The following CFAP47 variants were observed in gnomAD, a reference collection of about 807,000 sequenced individuals.
The protein encoded by CFAP47 is cilia and flagella associated protein 47, also known as cilia- and flagella-associated protein 47.
CFAP47 carries 29 observed loss-of-function variants against 148.1 expected under a neutral mutation model. The observed-to-expected ratio is 0.20, with a 90% CI of 0.15 to 0.27. The LOEUF (loss-of-function observed/expected upper bound fraction) is 0.27. CFAP47 is among the 10% of genes least tolerant of loss of function. CFAP47 has a pLI of 1.00. For synonymous variants in CFAP47, 664 were observed against 577.3 expected (o/e 1.15, Z -2.15); for missense variants, 1,872 against 1,697.5 (o/e 1.10, Z -1.81).
Position 36,371,447 on chromosome X carries a change from T to A in CFAP47, c.9185+4320T>A, listed in dbSNP as rs782650103. On this transcript the variant is annotated intron_variant, in intron 62 of 63. Coordinates refer to ENST00000378653, the MANE Select transcript of CFAP47 (RefSeq NM_001304548.2). ...ATTATCTTGTTATAAAATGAAAATC[T>A]TCTGTAGATGAGCATTTTCATTAAG... 1.1e-3 allele frequency among the ~76,000 whole-genome samples: 122 copies of A among 107,854 alleles called. 2 individuals carry two copies. Among genetic ancestry groups the A allele is most frequent in the East Asian group, 6.0e-4 (2 of 3,351 alleles). The allele number at this position is 107,854 out of a possible 115,157, so 93.7% of individuals were successfully genotyped here. A position where few individuals can be genotyped will look rare whatever the true frequency, so the allele number is the denominator to read the frequency against.
At chrX:36,177,140 CAGGT>C (rs1939693971) in intron 39 of CFAP47, among the ~76,000 whole-genome samples, 1 of 111,639 alleles carries the variant, frequency 9.0e-6, no homozygotes, top group Non-Finnish European at 1.9e-5. Context: ...TTTCTTTTAA[CAGGT>C]AGTTCATATT....
intron 29 of CFAP47, among the ~76,000 whole-genome samples, chrX:36,075,275 TG>T (rs1028185281): frequency 1.8e-5 from 2 of 109,631 alleles, no homozygotes; most frequent in Non-Finnish European, 3.8e-5. Flanking sequence ...TCACCCAGAC[TG>T]GGGTGTAGTG....
chrX:36,207,349 G>A (rs1278684030), intron 45 of CFAP47, among the ~76,000 whole-genome samples: 3 of 110,050 alleles, frequency 2.7e-5, no homozygotes, highest in African/African-American at 9.9e-5. Flanking sequence ...CAAATGACAA[G>A]AATTTATCTG....
In CFAP47 at chrX:36,289,144, G is replaced by C. The variant is rs1363778890; in HGVS notation, c.7686+3418G>C. Among the ~76,000 whole-genome samples, 8 of 108,179 alleles carry C rather than the reference G, an allele frequency of 7.4e-5. No individual in the cohort carries two copies. In the East Asian group the frequency reaches 2.3e-3, roughly 32 times the overall value. The allele number at this position is 108,179 out of a possible 115,157, so 93.9% of individuals were successfully genotyped here. On this transcript the variant is annotated intron_variant, in intron 51 of 63. Transcript: ENST00000378653. ...GCCTCCTGAGTAGCTGGGATTACAG[G>C]CATGTGCCATCATGGCCAGCTAATT...
intron 32 of CFAP47, among the ~76,000 whole-genome samples, chrX:36,103,825 C>A (rs2146795896): frequency 9.0e-6 from 1 of 111,577 alleles, no homozygotes; most frequent in Non-Finnish European, 1.9e-5. Context: ...AACTTGTAGA[C>A]AATGGTTAGT....
intron 63 of CFAP47, among the ~76,000 whole-genome samples, chrX:36,382,806 AT>A (rs1250695039): frequency 1.8e-5 from 2 of 111,189 alleles, no homozygotes; most frequent in South Asian, 7.6e-4. Flanking sequence ...TCAATTTGGC[AT>A]TTTTTGTGAA....
Position 35,920,003 on chromosome X carries a change from C to T in CFAP47, c.204C>T (p.Cys68=). Residue 68 remains cysteine (C), a synonymous_variant, in exon 1 of 64, where the codon TGC becomes TGT. Coordinates refer to ENST00000378653, the MANE Select transcript of CFAP47 (RefSeq NM_001304548.2). ...YRLPITVHNI[C]RWNQKIRFKE... ...TCCCGATTACTGTGCATAATATTTG[C>T]CGCTGGAACCAGAAAATCCGATTTA... is the stretch of plus-strand genomic sequence containing the variant. 1 of 1,200,051 alleles carries T rather than the reference C, an allele frequency of 8.3e-7. No individual in the cohort carries two copies. The highest frequency in any genetic ancestry group is 1.1e-6 in the Non-Finnish European group (1 of 887,902).
intron 15 of CFAP47, among the ~76,000 whole-genome samples, chrX:35,982,637 T>C (rs988915992): frequency 9.0e-6 from 1 of 111,479 alleles, no homozygotes; most frequent in African/African-American, 3.3e-5. Context: ...TTTTTGTATG[T>C]TGTGTAAGGA....
At chrX:35,970,038 ATC>A (rs1353272347) in intron 10 of CFAP47, among the ~76,000 whole-genome samples, 2 of 107,363 alleles carry the variant, frequency 1.9e-5, no homozygotes, top group Non-Finnish European at 3.9e-5. Context: ...TATTAGGTAT[ATC>A]TCCTAATGCT....
chrX:36,235,088 T>C (rs1940436625), intron 46 of CFAP47, among the ~76,000 whole-genome samples: 1 of 110,147 alleles, frequency 9.1e-6, no homozygotes, highest in African/African-American at 3.3e-5. Context: ...CTTGAGGAGG[T>C]AGTCTGCCCG....
chrX:36,328,808 C>A (rs868969090), intron 57 of CFAP47, among the ~76,000 whole-genome samples: 15 of 79,354 alleles, frequency 1.9e-4, no homozygotes, highest in African/African-American at 7.1e-4. Flanking sequence ...CAGAGCGAGA[C>A]TCTGTCTCAA....
chrX:36,275,415 CGTGTGTGTGTGTGTGT>C (rs35781816), intron 49 of CFAP47, among the ~76,000 whole-genome samples: 4 of 87,716 alleles, frequency 4.6e-5, no homozygotes, highest in African/African-American at 1.3e-4. Context: ...GTGAGATCGT[CGTGTGTGTGTGTGTGT>C]GTGTGTGTGT....
chrX:36,051,400 A>T (rs1462983612), intron 26 of CFAP47, among the ~76,000 whole-genome samples: 2 of 111,680 alleles, frequency 1.8e-5, no homozygotes, highest in Admixed American at 1.9e-4. Flanking sequence ...GACCATGGGA[A>T]CCCATCTCTT....
chrX:36,107,023 G>A (rs1361056370), intron 33 of CFAP47, among the ~76,000 whole-genome samples: 1 of 111,848 alleles, frequency 8.9e-6, no homozygotes, highest in Non-Finnish European at 1.9e-5. Flanking sequence ...TGTAATAAAT[G>A]CACCACTGCA....
intron 33 of CFAP47, among the ~76,000 whole-genome samples, chrX:36,122,470 G>T (rs1044771969): frequency 9.0e-6 from 1 of 110,814 alleles, no homozygotes; most frequent in Admixed American, 9.7e-5. Flanking sequence ...TCTACGTTTT[G>T]TAGACATGCT....
At position 36,337,066 on chromosome X, in the gene CFAP47, A is replaced by G. The variant is rs17273287; in HGVS notation, c.8444-11063A>G. 6.1e-4 allele frequency among the ~76,000 whole-genome samples: 69 copies of G among 112,538 alleles called. No homozygotes were observed. In the East Asian group the frequency reaches 0.018, roughly 30 times the overall value. ...ATATAGATTTGTAATTATGATTTATAGCCTAAAGCATGTGAGTTTCCGAGC... is the reference window on the plus strand; with the variant it reads ...ATATAGATTTGTAATTATGATTTATGGCCTAAAGCATGTGAGTTTCCGAGC... On this transcript the variant is annotated intron_variant, in intron 57 of 63. Coordinates refer to ENST00000378653, the MANE Select transcript of CFAP47 (RefSeq NM_001304548.2).
At chrX:36,205,131 T>C (rs1940025836) in intron 45 of CFAP47, 21 bp downstream of exon 45, 1 of 293,611 alleles carries the variant, frequency 3.4e-6, no homozygotes, top group African/African-American at 2.8e-5. Context: ...ATGTGCGGCC[T>C]AAAAATCTAA....
chrX:36,000,896 T>G (rs1187102728), intron 20 of CFAP47, among the ~76,000 whole-genome samples: 1 of 111,669 alleles, frequency 9.0e-6, no homozygotes, highest in East Asian at 2.8e-4. Flanking sequence ...GAGCCAAATA[T>G]GAGCCATCAC....
intron 1 of CFAP47, among the ~76,000 whole-genome samples, chrX:35,925,068 T>C (rs776859810): frequency 3.6e-5 from 4 of 111,454 alleles, no homozygotes; most frequent in Middle Eastern, 4.6e-3. Flanking sequence ...AAGGTGACTA[T>C]AGTTAATAAT....
Sources: allele counts gnomAD v4.1 joint callset (sites outside exome capture counted in the v4.1 genomes callset), GRCh38; gene constraint gnomAD v4.1.1; transcripts MANE v1.5; gene names NCBI Gene and HGNC (gene_info 2026-07-23, HGNC 2026-07-21).